SPTLC3: variants seen among roughly 807,000 people sequenced by gnomAD.
SPTLC3 encodes serine palmitoyltransferase 3.
Under a neutral mutation model 59.3 loss-of-function variants are expected in SPTLC3, and 36 were observed. That is an observed-to-expected ratio of 0.61 (90% CI 0.47 to 0.80). The LOEUF (loss-of-function observed/expected upper bound fraction) is 0.80, where lower values mean the gene tolerates loss of function less well. SPTLC3 is among the 30% of genes least tolerant of loss of function. The pLI, the probability that SPTLC3 is intolerant of heterozygous loss-of-function variation, is 0.00. For synonymous variants in SPTLC3, 257 were observed against 240.8 expected, an observed-to-expected ratio of 1.07 and a Z score of -0.62; for missense variants, 625 against 685.1, an observed-to-expected ratio of 0.91 and a Z score of 0.98.
chr20:13,152,929 G>C (rs937564414), intron 9 of SPTLC3, among the ~76,000 whole-genome samples: 3 of 152,178 alleles, frequency 2.0e-5, no homozygotes, highest in Non-Finnish European at 4.4e-5. Context: ...AAACACCCAT[G>C]AGTGATGTTC....
chr20:13,149,655 T>G (rs2038598362), intron 9 of SPTLC3, among the ~76,000 whole-genome samples: 1 of 152,212 alleles, frequency 6.6e-6, no homozygotes, highest in African/African-American at 2.4e-5. Flanking sequence ...CTAAATGGTT[T>G]AAAGATAGGA....
intron 2 of SPTLC3, among the ~76,000 whole-genome samples, chr20:13,064,396 C>T (rs961999815): frequency 6.6e-6 from 1 of 151,390 alleles, no homozygotes; most frequent in Non-Finnish European, 1.5e-5. Context: ...TAGGTTGGAA[C>T]GATTCTCCTG....
At chr20:13,093,321 G>A (rs1243774000) in intron 5 of SPTLC3, among the ~76,000 whole-genome samples, 163 bp from the exon 6 acceptor site, 1 of 152,186 alleles carries the variant, frequency 6.6e-6, no homozygotes, top group Non-Finnish European at 1.5e-5. Flanking sequence ...TGCTATACAT[G>A]ATTTTGTCCA....
At chr20:13,144,931 C>G (rs1430916412) in intron 9 of SPTLC3, among the ~76,000 whole-genome samples, 1 of 152,132 alleles carries the variant, frequency 6.6e-6, no homozygotes, top group Non-Finnish European at 1.5e-5. Context: ...CCCGCCACCA[C>G]GCCCAGCTAA....
chr20:13,138,918 CACTT>C (rs928175133), intron 9 of SPTLC3, among the ~76,000 whole-genome samples: 3 of 152,176 alleles, frequency 2.0e-5, no homozygotes, highest in African/African-American at 7.2e-5. Context: ...TTGAATCTCT[CACTT>C]AAAGTTTCCT....
intron 2 of SPTLC3, among the ~76,000 whole-genome samples, chr20:13,058,328 C>T (rs1049719480): frequency 1.3e-5 from 2 of 152,132 alleles, no homozygotes; most frequent in Non-Finnish European, 2.9e-5. Flanking sequence ...TTGTCCAAAA[C>T]AGACAGCCCA....
intron 9 of SPTLC3, among the ~76,000 whole-genome samples, chr20:13,150,514 C>A (rs1194772410): frequency 6.6e-6 from 1 of 152,154 alleles, no homozygotes; most frequent in Admixed American, 6.5e-5. Flanking sequence ...GAGTTCCATC[C>A]AGGGACTCCA....
At chr20:13,151,907 T>C (rs755531777) in intron 9 of SPTLC3, among the ~76,000 whole-genome samples, 6 of 152,090 alleles carry the variant, frequency 3.9e-5, no homozygotes, top group Non-Finnish European at 8.8e-5. Context: ...TATCCTATGC[T>C]AGTGATACCT....
intron 1 of SPTLC3, among the ~76,000 whole-genome samples, chr20:13,036,038 T>C (rs6041784): frequency 0.14 from 21,364 of 152,126 alleles, 2,265 homozygotes; most frequent in African/African-American, 0.3. Flanking sequence ...CAAAGTATTT[T>C]GAAGAGAAAT....
At chr20:13,102,274 TC>T (rs1989627186) in intron 6 of SPTLC3, among the ~76,000 whole-genome samples, 1 of 128,084 alleles carries the variant, frequency 7.8e-6, no homozygotes, top group African/African-American at 4.0e-5. Flanking sequence ...TGCCTCCCTA[TC>T]TTTTAATGAT....
intron 6 of SPTLC3, among the ~76,000 whole-genome samples, chr20:13,099,400 A>T (rs902136154): frequency 6.6e-6 from 1 of 152,138 alleles, no homozygotes; most frequent in Non-Finnish European, 1.5e-5. Context: ...CAGACTTCTG[A>T]CCTCTAGAAC....
rs2039018157 is a variant in SPTLC3, at chr20:13,168,981, T to TG, written c.*4114_*4115insG. On this transcript the variant is annotated 3_prime_UTR_variant, in exon 12 of 12. Transcript: ENST00000399002. The stretch of plus-strand genomic sequence containing the variant: ...TGTGTGTGTGTGTGTGCATGTGTCT[T>TG]TGTGTGTGTGAGAAGGACAGAGAGA... 6.7e-6 allele frequency: 1 copy of TG among 149,830 alleles called. No individual in the cohort carries two copies. The highest frequency in any genetic ancestry group is 1.5e-5 in the Non-Finnish European group (1 of 67,228). The allele number at this position is 149,830 out of a possible 1,614,324, so 9.3% of individuals were successfully genotyped here.
intron 1 of SPTLC3, among the ~76,000 whole-genome samples, chr20:13,025,756 G>A (rs1986111013): frequency 6.6e-6 from 1 of 151,996 alleles, no homozygotes; most frequent in Admixed American, 6.6e-5. Context: ...TAGGTTCAGG[G>A]GTACATGCAC....
chr20:13,095,403 A>G (rs1989375672), intron 6 of SPTLC3, among the ~76,000 whole-genome samples: 1 of 152,152 alleles, frequency 6.6e-6, no homozygotes, highest in Non-Finnish European at 1.5e-5. Context: ...TAGCTGCACA[A>G]TAGTGGCATC....
intron 1 of SPTLC3, 79 bp downstream of exon 1, chr20:13,009,463 CCTAA>C: frequency 7.6e-7 from 1 of 1,307,240 alleles, no homozygotes; most frequent in Admixed American, 1.8e-5. Flanking sequence ...TTGAGGCTGT[CCTAA>C]CTTAGAGTTC....
At position 13,029,293 on chromosome 20, in the gene SPTLC3, G is replaced by T. The variant is rs116234538; in HGVS notation, c.118-19652G>T. Reference sequence around the variant, plus strand: ...TGGTGACCTGCGAAAATGATTCAATGGTTGAATTAAACAAGTCACAGACAT... The same window carrying T: ...TGGTGACCTGCGAAAATGATTCAATTGTTGAATTAAACAAGTCACAGACAT... On this transcript the variant is annotated intron_variant, in intron 1 of 11. Transcript: ENST00000399002. Among the ~76,000 whole-genome samples, 212 of 152,232 alleles carry T rather than the reference G, an allele frequency of 1.4e-3. 1 individual carries two copies. Among genetic ancestry groups the T allele is most frequent in the African/African-American group, 4.9e-3 (203 of 41,548 alleles).
At chr20:13,086,799 TTC>T (rs1818964698) in intron 4 of SPTLC3, among the ~76,000 whole-genome samples, 1 of 152,092 alleles carries the variant, frequency 6.6e-6, no homozygotes, top group South Asian at 2.1e-4. Flanking sequence ...TTTTCTTTTC[TTC>T]TTTTTTTCCC....
intron 1 of SPTLC3, among the ~76,000 whole-genome samples, chr20:13,025,867 T>A (rs1032579719): frequency 6.6e-6 from 1 of 152,178 alleles, no homozygotes; most frequent in African/African-American, 2.4e-5. Context: ...TTTTTCCAGA[T>A]CTTCTCCCTC....
chr20:13,083,470 T>A (rs141564766), intron 4 of SPTLC3, among the ~76,000 whole-genome samples: 3 of 152,320 alleles, frequency 2.0e-5, no homozygotes, highest in African/African-American at 7.2e-5. Context: ...TCAGACTTAA[T>A]TCTCTGCCAT....
Sources: gnomAD v4.1 joint callset for allele counts (sites outside exome capture counted in the v4.1 genomes callset) on GRCh38, gnomAD v4.1.1 for gene constraint, MANE v1.5 for transcripts, NCBI Gene and HGNC (gene_info 2026-07-23, HGNC 2026-07-21) for gene names.